The following GFOD1 variants were observed in gnomAD, a reference collection of about 807,000 sequenced individuals.
GFOD1 encodes the protein Gfo/Idh/MocA-like oxidoreductase domain containing 1, also known as glucose-fructose oxidoreductase domain-containing protein 1.
Under a neutral mutation model 25.4 loss-of-function variants are expected in GFOD1, and 9 were observed. The observed-to-expected ratio is 0.35, with a 90% CI of 0.21 to 0.62. The LOEUF is 0.62. GFOD1 is among the 20% of genes least tolerant of loss of function. GFOD1 has a pLI of 0.72. For synonymous variants in GFOD1, 253 were observed against 245.6 expected (o/e 1.03, Z -0.28); for missense variants, 403 against 556.9 (o/e 0.72, Z 2.78).
At chr6:13,423,311 G>C (rs964898567) in intron 1 of GFOD1, among the ~76,000 whole-genome samples, 1 of 152,086 alleles carries the variant, frequency 6.6e-6, no homozygotes, top group East Asian at 1.9e-4. Context: ...AACTGACAAT[G>C]AGTTTATTAG....
At chr6:13,414,096 T>C (rs1196784331) in intron 1 of GFOD1, among the ~76,000 whole-genome samples, 2 of 152,202 alleles carry the variant, frequency 1.3e-5, no homozygotes, top group Non-Finnish European at 2.9e-5. Context: ...TTATCTACTA[T>C]TAGTAGGCTG....
chr6:13,479,547 T>C (rs1038679491), intron 1 of GFOD1, among the ~76,000 whole-genome samples: 3 of 152,236 alleles, frequency 2.0e-5, no homozygotes, highest in African/African-American at 7.2e-5. Context: ...ATTTCATTCT[T>C]GGTGAAACCC....
At chr6:13,386,887 A>G (rs1455197193) in intron 1 of GFOD1, among the ~76,000 whole-genome samples, 1 of 152,164 alleles carries the variant, frequency 6.6e-6, no homozygotes, top group Non-Finnish European at 1.5e-5. Context: ...CCATGCATTA[A>G]AAACAGAAGC....
intron 1 of GFOD1, among the ~76,000 whole-genome samples, chr6:13,422,363 G>T (rs1786274815): frequency 6.6e-6 from 1 of 152,146 alleles, no homozygotes. Flanking sequence ...GCTGGAGGGG[G>T]CTTGAGACCC....
intron 1 of GFOD1, among the ~76,000 whole-genome samples, chr6:13,402,949 T>C (rs579971): frequency 0.99 from 150,431 of 152,318 alleles, 74,320 homozygotes; most frequent in Middle Eastern, 1. Context: ...AACCGATGAA[T>C]GAATAAACAA....
Position 13,364,058 on chromosome 6 carries a change from T to C in GFOD1, c.*685A>G, listed in dbSNP as rs1784992055. ...GGGAGTCCTGCTTTTTGCTTGCTAT[T>C]TCTGACCTCTCTTTCTCTACCAGGT... On this transcript the variant is annotated 3_prime_UTR_variant, in exon 2 of 2. Coordinates refer to ENST00000379287, the MANE Select transcript of GFOD1 (RefSeq NM_018988.4). This position sits in a 1 kb window ranked among gnomAD's most constrained non-coding sequence, Gnocchi z 4.1. The C allele has an allele frequency of 1.3e-5, 2 of 152,272 alleles. No homozygotes were observed. Among genetic ancestry groups the C allele is most frequent in the South Asian group, 4.1e-4 (2 of 4,834 alleles). 9.4% of individuals were successfully genotyped at this position (152,272 alleles called of 1,614,324 possible).
chr6:13,395,344 C>T (rs1416282367), intron 1 of GFOD1, among the ~76,000 whole-genome samples: 2 of 152,212 alleles, frequency 1.3e-5, no homozygotes, highest in East Asian at 3.9e-4. Context: ...GCATGGCCAT[C>T]TCCCAAGAGG....
chr6:13,429,921 AGTGATC>A (rs1288796597), intron 1 of GFOD1, among the ~76,000 whole-genome samples: 1 of 152,208 alleles, frequency 6.6e-6, no homozygotes, highest in African/African-American at 2.4e-5. Context: ...ATTTTTCAAA[AGTGATC>A]ACACTACTTC....
chr6:13,441,486 T>G (rs1005583104), intron 1 of GFOD1, among the ~76,000 whole-genome samples: 1 of 152,224 alleles, frequency 6.6e-6, no homozygotes, highest in East Asian at 1.9e-4. Flanking sequence ...ATACGTTGTG[T>G]TAAAAAATGT....
At chr6:13,373,785 T>C (rs1464822066) in intron 1 of GFOD1, among the ~76,000 whole-genome samples, 1 of 142,408 alleles carries the variant, frequency 7.0e-6, no homozygotes, top group East Asian at 2.0e-4. Flanking sequence ...ACGCTTTTTT[T>C]TTTTTTTTGA....
At chr6:13,482,250 T>G (rs1417451235) in intron 1 of GFOD1, among the ~76,000 whole-genome samples, 1 of 148,576 alleles carries the variant, frequency 6.7e-6, no homozygotes, top group East Asian at 1.9e-4. Flanking sequence ...TGATTAAATA[T>G]AATTTATATT....
chr6:13,396,448 C>A (rs1175440487), intron 1 of GFOD1, among the ~76,000 whole-genome samples: 1 of 152,218 alleles, frequency 6.6e-6, no homozygotes, highest in Non-Finnish European at 1.5e-5. Flanking sequence ...ACCTACAGGG[C>A]AGGTGGCCTT....
Position 13,487,171 on chromosome 6 carries a change from G to A in GFOD1, c.-281C>T, listed in dbSNP as rs1451807175. 6 of 391,618 alleles carry A rather than the reference G, an allele frequency of 1.5e-5. No homozygotes were observed. The East Asian group carries it at 2.5e-4, about 17-fold the overall frequency. 24.3% of individuals were successfully genotyped at this position (391,618 alleles called of 1,614,324 possible). On this transcript the variant is annotated 5_prime_UTR_variant, in exon 1 of 2. Coordinates refer to ENST00000379287, the MANE Select transcript of GFOD1 (RefSeq NM_018988.4). The surrounding 1 kb of genome is among the most constrained non-coding windows in gnomAD (Gnocchi z 4.9). ...CAGGGACCCCCCCAGGGCGCCGGAG[G>A]CTTCGAAGCCCCCTGGAGCCCCGGC...
intron 1 of GFOD1, among the ~76,000 whole-genome samples, chr6:13,459,853 T>C (rs987479816): frequency 2.6e-5 from 4 of 152,170 alleles, no homozygotes; most frequent in African/African-American, 9.7e-5. Flanking sequence ...AGAGGCTCAT[T>C]ACAGGCATGG....
At chr6:13,405,137 C>G (rs1319599661) in intron 1 of GFOD1, among the ~76,000 whole-genome samples, 1 of 152,126 alleles carries the variant, frequency 6.6e-6, no homozygotes, top group Admixed American at 6.5e-5. Flanking sequence ...AGAGCCTCTT[C>G]TTTTCTTTTG....
At chr6:13,404,874 C>T (rs1785917149) in intron 1 of GFOD1, among the ~76,000 whole-genome samples, 1 of 152,174 alleles carries the variant, frequency 6.6e-6, no homozygotes, top group Non-Finnish European at 1.5e-5. Context: ...CCAAATTCCA[C>T]CTTTGGGTCA....
chr6:13,411,923 C>T (rs1024313229), intron 1 of GFOD1, among the ~76,000 whole-genome samples: 3 of 152,240 alleles, frequency 2.0e-5, no homozygotes, highest in Admixed American at 6.5e-5. Flanking sequence ...CTTGCTCTGC[C>T]TCTTTTTAGC....
At chr6:13,442,658 T>C (rs1389060606) in intron 1 of GFOD1, among the ~76,000 whole-genome samples, 1 of 152,224 alleles carries the variant, frequency 6.6e-6, no homozygotes, top group Non-Finnish European at 1.5e-5. Flanking sequence ...TCCTTAATAA[T>C]TATGCTAAAT....
intron 1 of GFOD1, among the ~76,000 whole-genome samples, chr6:13,373,364 T>A (rs1785187291): frequency 6.6e-6 from 1 of 152,144 alleles, no homozygotes; most frequent in Admixed American, 6.6e-5. Flanking sequence ...TAAAATAAGA[T>A]TAATGGTGTT....
Sources: allele counts gnomAD v4.1 joint callset (sites outside exome capture counted in the v4.1 genomes callset), GRCh38; gene constraint gnomAD v4.1.1; non-coding constraint Gnocchi (gnomAD v3.1); transcripts MANE v1.5; gene names NCBI Gene and HGNC (gene_info 2026-07-23, HGNC 2026-07-21).